The following KCTD16 variants were observed in gnomAD, a reference collection of about 807,000 sequenced individuals.
The protein encoded by KCTD16 is BTB/POZ domain-containing protein KCTD16.
In KCTD16, 13 loss-of-function variants were observed where a neutral mutation model predicts 33.2. The ratio of observed to expected loss-of-function variants is 0.39; its 90% confidence interval spans 0.25 to 0.62. The LOEUF (loss-of-function observed/expected upper bound fraction) is 0.62, where lower values mean the gene tolerates loss of function less well. Ranked by LOEUF, KCTD16 falls within the 20% of genes least tolerant of loss-of-function variation. The probability of loss-of-function intolerance (pLI) is 0.50; values close to 1 mark genes in which losing one functional copy is unlikely to be tolerated. For synonymous variants in KCTD16, 197 were observed against 195.3 expected (o/e 1.01, Z -0.07); for missense variants, 441 against 525.1 (o/e 0.84, Z 1.57).
intron 3 of KCTD16, among the ~76,000 whole-genome samples, chr5:144,449,368 C>A (rs571655483): frequency 6.6e-6 from 1 of 152,000 alleles, no homozygotes; most frequent in East Asian, 1.9e-4. Flanking sequence ...ATCAAAATCT[C>A]AATGGATTTT....
At chr5:144,198,809 A>T (rs989760733) in intron 2 of KCTD16, among the ~76,000 whole-genome samples, 1 of 152,166 alleles carries the variant, frequency 6.6e-6, no homozygotes, top group Non-Finnish European at 1.5e-5. Flanking sequence ...TCTGAGTATC[A>T]CTTTACTTTC....
At chr5:144,299,773 A>G (rs1239934036) in intron 3 of KCTD16, among the ~76,000 whole-genome samples, 3 of 152,022 alleles carry the variant, frequency 2.0e-5, no homozygotes, top group Admixed American at 6.6e-5. Flanking sequence ...GATTTTTAAC[A>G]TCTTTATGGA....
chr5:144,179,350 C>G (rs1317059815), intron 2 of KCTD16, among the ~76,000 whole-genome samples: 1 of 152,178 alleles, frequency 6.6e-6, no homozygotes, highest in Admixed American at 6.5e-5. Context: ...CAAATTACAT[C>G]CCCCTCCCCC....
At chr5:144,318,304 G>A (rs957102123) in intron 3 of KCTD16, among the ~76,000 whole-genome samples, 1 of 152,056 alleles carries the variant, frequency 6.6e-6, no homozygotes, top group Non-Finnish European at 1.5e-5. Flanking sequence ...GATCTACCTT[G>A]GTACCTTGAT....
At chr5:144,395,268 T>C (rs1488595422) in intron 3 of KCTD16, among the ~76,000 whole-genome samples, 1 of 152,226 alleles carries the variant, frequency 6.6e-6, no homozygotes, top group African/African-American at 2.4e-5. Flanking sequence ...TCGATTTCTT[T>C]TTTCACAGAT....
intron 1 of KCTD16, among the ~76,000 whole-genome samples, chr5:144,173,417 A>G (rs941932101): frequency 1.3e-5 from 2 of 152,130 alleles, no homozygotes; most frequent in Admixed American, 6.5e-5. Flanking sequence ...CCTTATAAGT[A>G]TGAGCTAAAT....
At chr5:144,335,480 CA>C (rs1169272119) in intron 3 of KCTD16, among the ~76,000 whole-genome samples, 2 of 152,052 alleles carry the variant, frequency 1.3e-5, no homozygotes, top group African/African-American at 4.8e-5. Context: ...GAGAAAGATG[CA>C]AGGGGTAGAA....
intron 3 of KCTD16, among the ~76,000 whole-genome samples, chr5:144,317,865 A>T (rs189076923): frequency 6.6e-6 from 1 of 152,296 alleles, no homozygotes; most frequent in East Asian, 1.9e-4. Flanking sequence ...TTTTACCTGC[A>T]TGGTGCTCCT....
At chr5:144,356,135 A>G (rs902193899) in intron 3 of KCTD16, among the ~76,000 whole-genome samples, 30 of 152,298 alleles carry the variant, frequency 2.0e-4, no homozygotes, top group Non-Finnish European at 3.2e-4. Context: ...CCCACATAAC[A>G]TGGTTAGAAG....
intron 3 of KCTD16, among the ~76,000 whole-genome samples, chr5:144,321,171 G>A (rs1752064664): frequency 6.6e-6 from 1 of 152,062 alleles, no homozygotes; most frequent in Admixed American, 6.6e-5. Flanking sequence ...ACCACTTCTT[G>A]ATGAAAACTT....
In KCTD16 at chr5:144,459,107, G is replaced by A. The variant is rs577109647; in HGVS notation, c.833-14553G>A. ...GGATGTACAGGAACTGGAGACAGCCGGAGCATCTTCTGTCAGAAAGTAATC... is the reference window on the plus strand; with the variant it reads ...GGATGTACAGGAACTGGAGACAGCCAGAGCATCTTCTGTCAGAAAGTAATC... On this transcript the variant is annotated intron_variant, in intron 3 of 3. Transcript: ENST00000512467. 1.3e-4 allele frequency among the ~76,000 whole-genome samples: 20 copies of A among 152,290 alleles called. No homozygotes were observed. The South Asian group carries it at 3.3e-3, about 25-fold the overall frequency.
intron 3 of KCTD16, among the ~76,000 whole-genome samples, chr5:144,450,621 A>G (rs560963538): frequency 6.6e-6 from 1 of 152,218 alleles, no homozygotes; most frequent in South Asian, 2.1e-4. Context: ...CACCCTTTTA[A>G]AAAGGTAGAA....
chr5:144,209,771 C>T (rs926498344), intron 3 of KCTD16, among the ~76,000 whole-genome samples: 2 of 146,520 alleles, frequency 1.4e-5, no homozygotes, highest in East Asian at 4.0e-4. Context: ...TCAACTTCCT[C>T]CTGGGCTTAG....
intron 2 of KCTD16, among the ~76,000 whole-genome samples, chr5:144,179,176 G>T (rs1752567550): frequency 6.6e-6 from 1 of 152,168 alleles, no homozygotes; most frequent in African/African-American, 2.4e-5. Context: ...GACCCTCACA[G>T]GTTCCTAAAG....
At chr5:144,275,322 G>C (rs1454687151) in intron 3 of KCTD16, among the ~76,000 whole-genome samples, 1 of 152,072 alleles carries the variant, frequency 6.6e-6, no homozygotes, top group Non-Finnish European at 1.5e-5. Context: ...ATGCAAAATG[G>C]ATATGAGCAT....
At chr5:144,223,672 C>A (rs1373272766) in intron 3 of KCTD16, among the ~76,000 whole-genome samples, 1 of 151,522 alleles carries the variant, frequency 6.6e-6, no homozygotes, top group East Asian at 1.9e-4. Flanking sequence ...TCCTAGGCTG[C>A]GTACTTTATA....
At chr5:144,222,866 A>G (rs1753805391) in intron 3 of KCTD16, among the ~76,000 whole-genome samples, 1 of 152,242 alleles carries the variant, frequency 6.6e-6, no homozygotes, top group Non-Finnish European at 1.5e-5. Flanking sequence ...GGCGCTGTTC[A>G]CAATAGCAAA....
At chr5:144,241,471 C>T (rs1754402206) in intron 3 of KCTD16, among the ~76,000 whole-genome samples, 1 of 152,088 alleles carries the variant, frequency 6.6e-6, no homozygotes, top group South Asian at 2.1e-4. Context: ...ATTAAAGGCA[C>T]AATATTTTAT....
chr5:144,440,167 T>A (rs1231481397), intron 3 of KCTD16, among the ~76,000 whole-genome samples: 1 of 152,184 alleles, frequency 6.6e-6, no homozygotes, highest in African/African-American at 2.4e-5. Context: ...ACTTTTATAC[T>A]AAACATTTCC....
Sources: gnomAD v4.1 joint callset for allele counts (sites outside exome capture counted in the v4.1 genomes callset) on GRCh38, gnomAD v4.1.1 for gene constraint, MANE v1.5 for transcripts, NCBI Gene and HGNC (gene_info 2026-07-23, HGNC 2026-07-21) for gene names.